The following CTNNA2 variants were observed in gnomAD, a reference collection of about 807,000 sequenced individuals.
CTNNA2 encodes the protein catenin alpha-2.
Under a neutral mutation model 101.0 loss-of-function variants are expected in CTNNA2, and 42 were observed. That is an observed-to-expected ratio of 0.42 (90% CI 0.32 to 0.54). The LOEUF is 0.54. Ranked by LOEUF, CTNNA2 falls within the 20% of genes least tolerant of loss-of-function variation. CTNNA2 has a pLI of 0.14. For missense variants in CTNNA2, 871 were observed against 1,223.1 expected (o/e 0.71, Z 4.29); for synonymous variants, 450 against 456.4 (o/e 0.99, Z 0.18).
At chr2:79,340,828 A>T (rs551575554) in intron 3 of CTNNA2, among the ~76,000 whole-genome samples, 25 of 99,440 alleles carry the variant, frequency 2.5e-4, no homozygotes, top group Admixed American at 2.4e-3. Flanking sequence ...AGCGAGACTC[A>T]GTCTCAAAAA....
At chr2:80,123,136 A>G (rs1004496173) in intron 7 of CTNNA2, among the ~76,000 whole-genome samples, 13 of 152,168 alleles carry the variant, frequency 8.5e-5, no homozygotes, top group African/African-American at 1.4e-4. Flanking sequence ...ACTGCTGCCT[A>G]CTTTCTGCTT....
At chr2:80,086,739 C>T (rs2148813715) in intron 7 of CTNNA2, among the ~76,000 whole-genome samples, 1 of 135,820 alleles carries the variant, frequency 7.4e-6, no homozygotes, top group South Asian at 2.4e-4. Flanking sequence ...CCCTGCCAAC[C>T]TCACAGAGCA....
At chr2:80,355,375 C>T (rs1331817730) in intron 7 of CTNNA2, among the ~76,000 whole-genome samples, 3 of 152,076 alleles carry the variant, frequency 2.0e-5, no homozygotes, top group Admixed American at 6.5e-5. Context: ...CTCTTTTCCC[C>T]ATCTTGCCTG....
chr2:79,706,205 A>G (rs1253028395), intron 2 of CTNNA2, among the ~76,000 whole-genome samples: 1 of 151,980 alleles, frequency 6.6e-6, no homozygotes, highest in Non-Finnish European at 1.5e-5. Flanking sequence ...TCTACTAAAA[A>G]TACAAAAAAT....
intron 7 of CTNNA2, among the ~76,000 whole-genome samples, chr2:79,978,793 T>A (rs2104600833): frequency 6.6e-6 from 1 of 152,310 alleles, no homozygotes; most frequent in South Asian, 2.1e-4. Flanking sequence ...CATCTTTTCA[T>A]GGTGCTTCAT....
rs542988661 is a variant in CTNNA2 at position 80,483,595 on chromosome 2, T to A, written c.1291-61387T>A. On this transcript the variant is annotated intron_variant, in intron 9 of 18. Transcript: ENST00000402739. ...AGAGGGGTGCAAGTAAACAGAGACT[T>A]TGAAATGGAGAATCTTATCTACAGA... is the stretch of plus-strand genomic sequence containing the variant. Among the ~76,000 whole-genome samples the A allele has an allele frequency of 3.3e-5, 5 of 152,060 alleles. No individual in the cohort carries two copies. In the South Asian group the frequency reaches 1.0e-3, roughly 32 times the overall value.
At chr2:80,121,799 G>A (rs1313518450) in intron 7 of CTNNA2, among the ~76,000 whole-genome samples, 1 of 152,134 alleles carries the variant, frequency 6.6e-6, no homozygotes, top group Non-Finnish European at 1.5e-5. Flanking sequence ...GAAGATTACT[G>A]AATATCCATT....
chr2:80,512,205 G>T (rs887752089), intron 9 of CTNNA2, among the ~76,000 whole-genome samples: 11 of 146,664 alleles, frequency 7.5e-5, no homozygotes, highest in Admixed American at 2.1e-4. Flanking sequence ...GGTGACTTTT[G>T]CTCTGGATTT....
At chr2:79,516,153 A>G (rs1558691187) in intron 1 of CTNNA2, among the ~76,000 whole-genome samples, 2 of 152,162 alleles carry the variant, frequency 1.3e-5, no homozygotes. Context: ...CTGTTTTTTC[A>G]TCTATAAAAT....
intron 7 of CTNNA2, among the ~76,000 whole-genome samples, chr2:80,163,308 T>C (rs1704453489): frequency 1.3e-5 from 2 of 152,166 alleles, no homozygotes; most frequent in South Asian, 2.1e-4. Context: ...ATTTTATATA[T>C]ATATAAATGA....
intron 2 of CTNNA2, among the ~76,000 whole-genome samples, chr2:79,248,604 A>C (rs965530334): frequency 6.6e-6 from 1 of 152,126 alleles, no homozygotes; most frequent in Non-Finnish European, 1.5e-5. Context: ...GTCTGTGCTT[A>C]ATAAATAAAT....
chr2:80,040,891 A>G (rs1696005389), intron 7 of CTNNA2, among the ~76,000 whole-genome samples: 1 of 152,214 alleles, frequency 6.6e-6, no homozygotes, highest in South Asian at 2.1e-4. Flanking sequence ...TATATGTGTC[A>G]AAAAATACAT....
intron 4 of CTNNA2, among the ~76,000 whole-genome samples, chr2:79,499,595 C>T (rs1021650687): frequency 6.6e-6 from 1 of 152,200 alleles, no homozygotes; most frequent in African/African-American, 2.4e-5. Context: ...TCTTACGCCA[C>T]CTATGTAATA....
chr2:80,517,769 T>C (rs1689216467), intron 9 of CTNNA2, among the ~76,000 whole-genome samples: 1 of 152,190 alleles, frequency 6.6e-6, no homozygotes, highest in Admixed American at 6.5e-5. Flanking sequence ...ATTGGAGGCT[T>C]TTTGCATTGC....
chr2:79,393,952 G>C (rs1023582292), intron 4 of CTNNA2, among the ~76,000 whole-genome samples: 2 of 152,032 alleles, frequency 1.3e-5, no homozygotes, highest in Admixed American at 1.3e-4. Context: ...TTCTAACAAA[G>C]AGGCCACTGA....
At chr2:79,871,001 T>C (rs1410354484) in intron 5 of CTNNA2, among the ~76,000 whole-genome samples, 1 of 152,248 alleles carries the variant, frequency 6.6e-6, no homozygotes, top group Admixed American at 6.5e-5. Flanking sequence ...GTTTGCTCAC[T>C]GGATACCTTT....
At chr2:80,493,548 C>CA (rs1687219966) in intron 9 of CTNNA2, among the ~76,000 whole-genome samples, 1 of 152,168 alleles carries the variant, frequency 6.6e-6, no homozygotes, top group African/African-American at 2.4e-5. Context: ...CAGAATTCTA[C>CA]AAAGGATTAA....
At chr2:80,297,708 C>T (rs1204179237) in intron 7 of CTNNA2, among the ~76,000 whole-genome samples, 1 of 152,062 alleles carries the variant, frequency 6.6e-6, no homozygotes, top group Non-Finnish European at 1.5e-5. Context: ...AAAATATATT[C>T]CCATTTGCTG....
At chr2:79,489,542 G>A (rs1278371851) in intron 4 of CTNNA2, among the ~76,000 whole-genome samples, 1 of 152,124 alleles carries the variant, frequency 6.6e-6, no homozygotes, top group East Asian at 1.9e-4. Flanking sequence ...GCTTGGAGTT[G>A]ATGTCCAAAA....
Sources: gnomAD v4.1 joint callset for allele counts (sites outside exome capture counted in the v4.1 genomes callset) on GRCh38, gnomAD v4.1.1 for gene constraint, MANE v1.5 for transcripts, NCBI Gene and HGNC (gene_info 2026-07-23, HGNC 2026-07-21) for gene names.